Variants in TENM4 observed in about 807,000 individuals in gnomAD.
The protein encoded by TENM4 is teneurin-4.
Under a neutral mutation model 243.3 loss-of-function variants are expected in TENM4, and 82 were observed. The observed-to-expected ratio is 0.34, with a 90% CI of 0.28 to 0.40. The LOEUF (loss-of-function observed/expected upper bound fraction) is 0.40. Among genes scored for constraint, TENM4 ranks in the 10% least tolerant of loss-of-function variants. TENM4 has a pLI of 1.00. For missense variants in TENM4, 3,138 were observed against 3,673.3 expected, an observed-to-expected ratio of 0.85 and a Z score of 3.77; for synonymous variants, 1,412 against 1,456.3, an observed-to-expected ratio of 0.97 and a Z score of 0.69.
chr11:78,992,509 A>G (rs1024942676), intron 6 of TENM4, among the ~76,000 whole-genome samples: 3 of 152,208 alleles, frequency 2.0e-5, no homozygotes, highest in Admixed American at 2.0e-4. Context: ...GGCTTAAAAG[A>G]GCACGGGCAC....
chr11:78,835,759 A>G (rs970661969), intron 12 of TENM4, among the ~76,000 whole-genome samples: 3 of 152,086 alleles, frequency 2.0e-5, no homozygotes, highest in Admixed American at 6.5e-5. Context: ...TCCTACCCCA[A>G]TTAGGTTAGC....
chr11:79,419,174 C>CAGG (rs1210770213), intron 1 of TENM4, among the ~76,000 whole-genome samples: 1 of 152,188 alleles, frequency 6.6e-6, no homozygotes, highest in East Asian at 1.9e-4. Flanking sequence ...GATGAAAAGC[C>CAGG]TACCTGGCTT....
rs144257620 is a variant in TENM4 at position 78,781,410 on chromosome 11, G to A, written c.2366-2782C>T. On this transcript the variant is annotated intron_variant, in intron 16 of 33. Transcript: ENST00000278550. ...ATACTCCTACTATGTTCCTATCTCT[G>A]TGTGAAAAGCCGGAGATAATAAAGG... Among the ~76,000 whole-genome samples, 247 of 152,214 alleles carry A rather than the reference G, an allele frequency of 1.6e-3. 2 individuals carry two copies. The highest frequency in any genetic ancestry group is 6.8e-3 in the Middle Eastern group (2 of 294).
intron 29 of TENM4, among the ~76,000 whole-genome samples, chr11:78,676,997 A>C (rs1279258291): frequency 6.6e-6 from 1 of 152,204 alleles, no homozygotes; most frequent in East Asian, 1.9e-4. Context: ...AACGTGGAGC[A>C]GCTGCGAATG....
At chr11:79,036,585 T>TG (rs923996112) in intron 6 of TENM4, among the ~76,000 whole-genome samples, 1 of 152,118 alleles carries the variant, frequency 6.6e-6, no homozygotes, top group Non-Finnish European at 1.5e-5. Flanking sequence ...TAGCCCTAAG[T>TG]GGGGAAAAAA....
chr11:78,790,944 T>C (rs1194624237), intron 15 of TENM4, among the ~76,000 whole-genome samples: 1 of 152,232 alleles, frequency 6.6e-6, no homozygotes, highest in Non-Finnish European at 1.5e-5. Flanking sequence ...AACACTCAAC[T>C]TCCTTGCCAG....
intron 6 of TENM4, among the ~76,000 whole-genome samples, chr11:79,040,045 A>AAAG (rs1391404694): frequency 1.3e-5 from 2 of 151,310 alleles, no homozygotes; most frequent in Non-Finnish European, 3.0e-5. Flanking sequence ...AAAAAAAAAA[A>AAAG]AAGACTTCTA....
At chr11:78,903,963 A>G in intron 6 of TENM4, 1 of 407,454 alleles carries the variant, frequency 2.5e-6, no homozygotes, top group Non-Finnish European at 4.7e-6. Context: ...GGGCCCAGGA[A>G]ACTGATTTTA....
chr11:79,078,111 C>T (rs1860578128), intron 4 of TENM4, among the ~76,000 whole-genome samples: 1 of 152,172 alleles, frequency 6.6e-6, no homozygotes, highest in Admixed American at 6.5e-5. Context: ...CTCGAAAAAA[C>T]CTCTGCCCCT....
rs1285558063 is a variant in TENM4, at chr11:78,863,712, G to A, written c.1085-580C>T. On this transcript the variant is annotated intron_variant, in intron 9 of 33. Transcript: ENST00000278550. The stretch of plus-strand genomic sequence containing the variant: ...TATATTGGCAGAGAATGGAAAGCAA[G>A]CATTCCCATATTTTACTGGTGTGAG... Among the ~76,000 whole-genome samples the A allele has an allele frequency of 2.6e-5, 4 of 152,280 alleles. No homozygotes were observed. In the East Asian group the frequency reaches 7.7e-4, roughly 29 times the overall value.
At chr11:79,326,333 C>CT (rs1373268935) in intron 1 of TENM4, among the ~76,000 whole-genome samples, 4 of 152,150 alleles carry the variant, frequency 2.6e-5, no homozygotes, top group African/African-American at 9.7e-5. Flanking sequence ...ACTCAATGAC[C>CT]TTTCCTACAT....
chr11:79,100,612 C>A (rs949553462), intron 4 of TENM4, among the ~76,000 whole-genome samples: 2 of 152,124 alleles, frequency 1.3e-5, no homozygotes, highest in African/African-American at 4.8e-5. Context: ...ACCTATGGCG[C>A]TGCTTGGCAC....
At chr11:78,720,147 A>G (rs1307076334) in intron 25 of TENM4, among the ~76,000 whole-genome samples, 2 of 152,262 alleles carry the variant, frequency 1.3e-5, no homozygotes, top group African/African-American at 2.4e-5. Flanking sequence ...CAGACTATCA[A>G]AGTAACTGCC....
At chr11:79,031,711 G>A (rs1194879383) in intron 6 of TENM4, among the ~76,000 whole-genome samples, 5 of 152,218 alleles carry the variant, frequency 3.3e-5, no homozygotes, top group Non-Finnish European at 5.9e-5. Flanking sequence ...GCTTAAAGGG[G>A]CATGCTGGGT....
At chr11:78,843,665 T>A (rs1858313720) in intron 12 of TENM4, among the ~76,000 whole-genome samples, 1 of 152,200 alleles carries the variant, frequency 6.6e-6, no homozygotes, top group African/African-American at 2.4e-5. Flanking sequence ...AAGTTCCTTA[T>A]GAACTCTGAA....
At chr11:78,789,014 T>C (rs1187670710) in intron 15 of TENM4, among the ~76,000 whole-genome samples, 1 of 152,184 alleles carries the variant, frequency 6.6e-6, no homozygotes, top group African/African-American at 2.4e-5. Context: ...TTCCCATTTT[T>C]ACATGGTAGA....
intron 5 of TENM4, among the ~76,000 whole-genome samples, chr11:79,069,320 A>G (rs1860346143): frequency 6.6e-6 from 1 of 152,180 alleles, no homozygotes; most frequent in African/African-American, 2.4e-5. Flanking sequence ...ACTTGGTATT[A>G]TCAGGCTTAC....
chr11:79,259,629 C>T (rs11237777), intron 2 of TENM4, among the ~76,000 whole-genome samples: 90,736 of 148,198 alleles, frequency 0.61, 28,903 homozygotes, highest in East Asian at 0.82. Flanking sequence ...CTCCACCCAT[C>T]CACTCCCCCA....
intron 28 of TENM4, among the ~76,000 whole-genome samples, chr11:78,691,397 T>C (rs898274974): frequency 3.9e-5 from 6 of 152,250 alleles, no homozygotes; most frequent in African/African-American, 1.4e-4. Context: ...AAGTCCTCTT[T>C]CCTGCTTTGT....
Sources: gnomAD v4.1 joint callset for allele counts (sites outside exome capture counted in the v4.1 genomes callset) on GRCh38, gnomAD v4.1.1 for gene constraint, MANE v1.5 for transcripts, NCBI Gene and HGNC (gene_info 2026-07-23, HGNC 2026-07-21) for gene names.